TULP3: variants seen among roughly 807,000 people sequenced by gnomAD.
The protein encoded by TULP3 is tubby-related protein 3.
A neutral mutation model predicts 50.7 loss-of-function variants in TULP3; 38 were observed. The ratio of observed to expected loss-of-function variants is 0.75; its 90% CI spans 0.58 to 0.98. The LOEUF is 0.98. Ranked by LOEUF, TULP3 falls within the 50% of genes least tolerant of loss-of-function variation. The pLI, the probability that TULP3 is intolerant of heterozygous loss-of-function variation, is 0.00. For missense variants in TULP3, 550 were observed against 568.0 expected (o/e 0.97, Z 0.32); for synonymous variants, 183 against 196.6 (o/e 0.93, Z 0.58).
At chr12:2,926,540 G>A (rs2098194776) in intron 4 of TULP3, among the ~76,000 whole-genome samples, 1 of 152,194 alleles carries the variant, frequency 6.6e-6, no homozygotes, top group South Asian at 2.1e-4. Flanking sequence ...CCTTTGCAAA[G>A]CAAATAATTT....
At chr12:2,920,134 T>C (rs2098190817) in intron 2 of TULP3, among the ~76,000 whole-genome samples, 1 of 152,096 alleles carries the variant, frequency 6.6e-6, no homozygotes, top group African/African-American at 2.4e-5. Flanking sequence ...TCCGTGCATG[T>C]GTGTTTGTAT....
At chr12:2,914,058 T>C (rs1431545864) in intron 2 of TULP3, among the ~76,000 whole-genome samples, 1 of 152,220 alleles carries the variant, frequency 6.6e-6, no homozygotes, top group East Asian at 1.9e-4. Context: ...CCTCAAACAT[T>C]TGTCATTTCT....
Position 2,940,735 on chromosome 12 carries a change from C to T in TULP3, c.*1291C>T, listed in dbSNP as rs1270618299. The T allele has an allele frequency of 1.4e-5, 22 of 1,546,268 alleles. No homozygotes were observed. Among genetic ancestry groups the T allele is most frequent in the Non-Finnish European group, 1.8e-5 (21 of 1,143,930 alleles). On this transcript the variant is annotated 3_prime_UTR_variant, in exon 11 of 11. Coordinates refer to ENST00000448120, the MANE Select transcript of TULP3 (RefSeq NM_003324.5). ...ATCAGATAAGCATGTGAAGGAGGGC[C>T]AACTGGCAGCTGCGGGACCCTTGGC...
In TULP3 at chr12:2,913,892, A is replaced by G. The variant is rs142289844; in HGVS notation, c.93+4312A>G. Among the ~76,000 whole-genome samples the G allele has an allele frequency of 1.2e-3, 184 of 152,284 alleles. 1 individual carries two copies. In the East Asian group the frequency reaches 0.022, roughly 18 times the overall value. ...CCAAAGTGCTGGGATTACAGGCATGAGCCACTGTGCCCGGCCTCTGTGGTT... is the reference window on the plus strand; with the variant it reads ...CCAAAGTGCTGGGATTACAGGCATGGGCCACTGTGCCCGGCCTCTGTGGTT... On this transcript the variant is annotated intron_variant, in intron 2 of 10. Transcript: ENST00000448120.
chr12:2,923,878 G>A (rs1327028089), intron 4 of TULP3, among the ~76,000 whole-genome samples: 3 of 152,012 alleles, frequency 2.0e-5, no homozygotes, highest in African/African-American at 4.8e-5. Context: ...TACTTGGGGG[G>A]CTGAGGCAGG....
In TULP3 at chr12:2,938,215, T is replaced by C. The variant is rs2098202647; in HGVS notation, c.1125T>C (p.Tyr375=). 6.2e-7 allele frequency: 1 copy of C among 1,614,092 alleles called. No individual in the cohort carries two copies. The highest frequency in any genetic ancestry group is 1.7e-5 in the Admixed American group (1 of 59,996). Residue 375 remains tyrosine, a synonymous_variant, in exon 10 of 11, where the codon TAT becomes TAC. Transcript: ENST00000448120. ...APVWNSDTQS[Y]VLNFRGRVTQ... Reference sequence around the variant, plus strand: ...TCTGGAACAGTGACACTCAGTCCTATGTCCTCAACTTCCGTGGCCGGGTCA... The same window carrying C: ...TCTGGAACAGTGACACTCAGTCCTACGTCCTCAACTTCCGTGGCCGGGTCA...
At chr12:2,922,631 C>G (rs1171869855) in intron 4 of TULP3, among the ~76,000 whole-genome samples, 1 of 152,150 alleles carries the variant, frequency 6.6e-6, no homozygotes, top group Non-Finnish European at 1.5e-5. Context: ...ATATAAAATA[C>G]TAGCTGCCAT....
intron 3 of TULP3, 89 bp downstream of exon 3, chr12:2,921,011 A>G (rs1490316686): frequency 1.3e-5 from 19 of 1,483,176 alleles, no homozygotes; most frequent in Non-Finnish European, 1.8e-5. Context: ...CCAAAGGGAC[A>G]ATATTATTAG....
intron 1 of TULP3, among the ~76,000 whole-genome samples, chr12:2,907,475 CAAAA>C (rs60356460): frequency 1.0e-4 from 10 of 95,822 alleles, no homozygotes; most frequent in African/African-American, 4.5e-4. Flanking sequence ...ACTCCGTCTC[CAAAA>C]AAAAAAAAAA....
At chr12:2,891,551 C>G (rs2098172103) in intron 1 of TULP3, among the ~76,000 whole-genome samples, 1 of 152,148 alleles carries the variant, frequency 6.6e-6, no homozygotes, top group Non-Finnish European at 1.5e-5. Context: ...TGGGCCACAC[C>G]CCTTGTTTGT....
intron 3 of TULP3, among the ~76,000 whole-genome samples, chr12:2,921,526 G>GA (rs2098191755): frequency 2.0e-5 from 3 of 152,134 alleles, no homozygotes; most frequent in Admixed American, 2.0e-4. Context: ...TGGCAGAGGT[G>GA]AATCATGAAG....
chr12:2,899,626 G>A (rs1404910714), intron 1 of TULP3, among the ~76,000 whole-genome samples: 3 of 152,164 alleles, frequency 2.0e-5, no homozygotes, highest in Admixed American at 1.3e-4. Flanking sequence ...GGGCGTGGTG[G>A]CTCACGCCTG....
chr12:2,934,720 T>A (rs887250175), intron 8 of TULP3, among the ~76,000 whole-genome samples, 159 bp downstream of exon 8: 1 of 152,252 alleles, frequency 6.6e-6, no homozygotes, highest in Admixed American at 6.5e-5. Flanking sequence ...TTTAGTTATT[T>A]GAATTGCCAA....
intron 4 of TULP3, among the ~76,000 whole-genome samples, chr12:2,929,317 A>C (rs897455905): frequency 6.8e-6 from 1 of 147,126 alleles, no homozygotes; most frequent in African/African-American, 2.5e-5. Flanking sequence ...ACTCCGTCTC[A>C]AAAAAAAAAA....
Position 2,922,393 on chromosome 12 carries a change from C to T in TULP3, c.385C>T (p.Gln129Ter). The T allele has an allele frequency of 1.2e-6, 2 of 1,612,610 alleles. No individual in the cohort carries two copies. The highest frequency in any genetic ancestry group is 1.7e-6 in the Non-Finnish European group (2 of 1,179,698). Residue 129 changes from glutamine (Q) to a stop codon, truncating the protein, a stop_gained, in exon 4 of 11, where the codon CAA becomes TAA. Coordinates refer to ENST00000448120, the MANE Select transcript of TULP3 (RefSeq NM_003324.5). LOFTEE classifies it high-confidence loss of function. ...CAAGCCAGGACTTCAGGAGCGTCTCCAAAAGCATGGTGAGGACTGGTAATG... is the reference window on the plus strand; with the variant it reads ...CAAGCCAGGACTTCAGGAGCGTCTCTAAAAGCATGGTGAGGACTGGTAATG... ...ASKPGLQERL[Q>*]KHDISESVNF...
intron 1 of TULP3, among the ~76,000 whole-genome samples, chr12:2,904,990 C>T (rs1031959613): frequency 6.6e-6 from 1 of 150,482 alleles, no homozygotes; most frequent in Non-Finnish European, 1.5e-5. Context: ...GAGGCTGACG[C>T]AGGAGAATCG....
chr12:2,902,984 C>T (rs902654252), intron 1 of TULP3, among the ~76,000 whole-genome samples: 2 of 151,742 alleles, frequency 1.3e-5, no homozygotes, highest in Non-Finnish European at 2.9e-5. Flanking sequence ...GCCTCAGCCT[C>T]CAGAGTAGCT....
chr12:2,922,189 A>T, intron 3 of TULP3, 73 bp from the exon 4 acceptor site: 3 of 1,540,110 alleles, frequency 1.9e-6, no homozygotes, highest in Non-Finnish European at 2.6e-6. Context: ...TTCTGATCAC[A>T]TATGCCAAAT....
At chr12:2,932,730 G>A (rs1001943923) in intron 6 of TULP3, among the ~76,000 whole-genome samples, 7 of 152,050 alleles carry the variant, frequency 4.6e-5, no homozygotes, top group African/African-American at 1.7e-4. Context: ...TGCCCAGGCT[G>A]GCCTTGAACT....
Sources: allele counts gnomAD v4.1 joint callset (sites outside exome capture counted in the v4.1 genomes callset), GRCh38; gene constraint gnomAD v4.1.1; transcripts MANE v1.5; gene names NCBI Gene and HGNC (gene_info 2026-07-23, HGNC 2026-07-21).